ACSM2A: variants seen among roughly 807,000 people sequenced by gnomAD.
The protein encoded by ACSM2A is acyl-coenzyme A synthetase ACSM2A, mitochondrial.
Under a neutral mutation model 76.6 loss-of-function variants are expected in ACSM2A, and 72 were observed. That is an observed-to-expected ratio of 0.94 (90% confidence interval 0.78 to 1.14). The LOEUF (loss-of-function observed/expected upper bound fraction) is 1.14, where lower values mean the gene tolerates loss of function less well. Ranked by LOEUF, ACSM2A falls within the 50% of genes most tolerant of loss-of-function variation. The pLI, the probability that ACSM2A is intolerant of heterozygous loss-of-function variation, is 0.00. For synonymous variants in ACSM2A, 249 were observed against 255.9 expected, an observed-to-expected ratio of 0.97 and a Z score of 0.26; for missense variants, 684 against 708.5, an observed-to-expected ratio of 0.97 and a Z score of 0.39.
chr16:20,470,862 A>G (rs1489087382), intron 4 of ACSM2A: 1 of 754,114 alleles, frequency 1.3e-6, no homozygotes, highest in Non-Finnish European at 2.3e-6. Flanking sequence ...TTAAGGTTGC[A>G]TTGATAACAA....
chr16:20,478,722 G>C (rs773276231), intron 10 of ACSM2A, 45 bp downstream of exon 10: 3 of 1,582,788 alleles, frequency 1.9e-6, no homozygotes, highest in Non-Finnish European at 1.7e-6. Context: ...GTGAGGATGG[G>C]AGCACTAAAC....
At chr16:20,473,441 G>T (rs1483626506) in intron 6 of ACSM2A, among the ~76,000 whole-genome samples, 3 of 152,138 alleles carry the variant, frequency 2.0e-5, no homozygotes, top group African/African-American at 7.2e-5. Flanking sequence ...TATAGCAAAT[G>T]AGTATGTAGT....
At chr16:20,459,309 A>G (rs1339088869) in intron 1 of ACSM2A, among the ~76,000 whole-genome samples, 1 of 152,164 alleles carries the variant, frequency 6.6e-6, no homozygotes, top group Non-Finnish European at 1.5e-5. Flanking sequence ...TGTAATTTCT[A>G]AAGTGATTGT....
intron 3 of ACSM2A, among the ~76,000 whole-genome samples, chr16:20,465,931 A>C (rs1298054001): frequency 6.6e-6 from 1 of 152,182 alleles, no homozygotes; most frequent in Non-Finnish European, 1.5e-5. Flanking sequence ...CAACAATGAC[A>C]TAGTTTACAT....
chr16:20,480,772 G>T lies in ACSM2A; in HGVS notation c.1410-50G>T, dbSNP rs769038075. 6 of 1,613,640 alleles carry T rather than the reference G, an allele frequency of 3.7e-6. No individual in the cohort carries two copies. In the Admixed American group the frequency reaches 8.3e-5, roughly 22 times the overall value. Reference sequence around the variant, plus strand: ...TGGCTGGTTCCAGACTTCTGGAATGGCCTAGAGGTTCGGTGTCCAGTGTTC... The same window carrying T: ...TGGCTGGTTCCAGACTTCTGGAATGTCCTAGAGGTTCGGTGTCCAGTGTTC... On this transcript the variant is annotated intron_variant, in intron 11 of 13. Transcript: ENST00000573854.
chr16:20,469,390 A>G (rs2013226119), intron 3 of ACSM2A, 122 bp from the exon 4 acceptor site: 11 of 1,505,202 alleles, frequency 7.3e-6, no homozygotes, highest in East Asian at 2.4e-5. Flanking sequence ...GACACTCTCT[A>G]TTGGTCATTA....
rs551760809 is a variant in ACSM2A at position 20,457,202 on chromosome 16, T to C, written c.-8-2905T>C. Among the ~76,000 whole-genome samples, 1,006 of 151,766 alleles carry C rather than the reference T, an allele frequency of 6.6e-3. 4 individuals are homozygous for C. Among genetic ancestry groups the C allele is most frequent in the Middle Eastern group, 0.02 (6 of 294 alleles). On this transcript the variant is annotated intron_variant, in intron 1 of 13. Coordinates refer to ENST00000573854, the MANE Select transcript of ACSM2A (RefSeq NM_001308172.2). Reference sequence around the variant, plus strand: ...AACAACAACGACAACAAAAAAGCCATGACCAGATGAATTCACAGCTGAATT... The same window carrying C: ...AACAACAACGACAACAAAAAAGCCACGACCAGATGAATTCACAGCTGAATT...
At chr16:20,483,506 G>A (rs553851351) in intron 13 of ACSM2A, among the ~76,000 whole-genome samples, 1 of 128,260 alleles carries the variant, frequency 7.8e-6, no homozygotes, top group Non-Finnish European at 1.6e-5. Context: ...GGAGGTGGAG[G>A]TTACAGTGAG....
chr16:20,453,412 T>C (rs1329730647), intron 1 of ACSM2A: 1 of 151,592 alleles, frequency 6.6e-6, no homozygotes, highest in Non-Finnish European at 1.5e-5. Context: ...CATGGACATT[T>C]ATCACGTCCC....
intron 12 of ACSM2A, 41 bp downstream of exon 12, chr16:20,480,962 C>T (rs754176219): frequency 1.9e-6 from 3 of 1,611,806 alleles, no homozygotes; most frequent in East Asian, 2.2e-5. Flanking sequence ...CACATATGAA[C>T]ACAAGGGCAG....
rs2014416574 is a variant in ACSM2A at position 20,487,024 on chromosome 16, G to T, written c.*346G>T. The T allele has an allele frequency of 5.4e-6, 1 of 183,502 alleles. No homozygotes were observed. The highest frequency in any genetic ancestry group is 1.1e-5 in the Non-Finnish European group (1 of 89,748). The allele number at this position is 183,502 out of a possible 1,614,324, so 11.4% of individuals were successfully genotyped here. A position where few individuals can be genotyped will look rare whatever the true frequency, so the allele number is the denominator to read the frequency against. On this transcript the variant is annotated 3_prime_UTR_variant, in exon 14 of 14. Coordinates refer to ENST00000573854, the MANE Select transcript of ACSM2A (RefSeq NM_001308172.2). ...GAAGAAAGGAAAGAGGAGATGAAAG[G>T]GGGAGAAAAGATAGAAGAAAAATAA... is the stretch of plus-strand genomic sequence containing the variant.
intron 12 of ACSM2A, 128 bp downstream of exon 12, chr16:20,481,049 G>C (rs2014054719): frequency 6.7e-6 from 8 of 1,194,808 alleles, no homozygotes; most frequent in Admixed American, 2.5e-5. Flanking sequence ...CCACTTACTA[G>C]CTATGTGACC....
At chr16:20,469,458 C>G in intron 3 of ACSM2A, 54 bp from the exon 4 acceptor site, 1 of 1,607,728 alleles carries the variant, frequency 6.2e-7, no homozygotes, top group Middle Eastern at 1.7e-4. Flanking sequence ...TCAGGCTTCT[C>G]TAGGGACAAA....
chr16:20,460,104 C>T lies in ACSM2A; in HGVS notation c.-8-3C>T, dbSNP rs771445382. 2.5e-6 allele frequency: 4 copies of T among 1,601,946 alleles called. No homozygotes were observed. Among genetic ancestry groups the T allele is most frequent in the Non-Finnish European group, 3.4e-6 (4 of 1,172,900 alleles). The stretch of plus-strand genomic sequence containing the variant: ...TCACCTGTGTCTCTTCTTTCTTTTA[C>T]AGGCCTGAATATGCATTGGCTGCGA... On this transcript the variant is annotated splice_region_variant and splice_polypyrimidine_tract_variant and intron_variant, in intron 1 of 13. Transcript: ENST00000573854.
At chr16:20,478,006 G>C (rs1313269162) in intron 9 of ACSM2A, among the ~76,000 whole-genome samples, 1 of 152,132 alleles carries the variant, frequency 6.6e-6, no homozygotes, top group Non-Finnish European at 1.5e-5. Flanking sequence ...GTGTATCTGT[G>C]TTATGTGTAT....
Position 20,477,438 on chromosome 16 carries a change from T to A in ACSM2A, c.1168T>A (p.Tyr390Asn), listed in dbSNP as rs1373338762. ...ATACATGGGAACGGCTGCTTCCTGT[T>A]ATGATGTACAGGTTTGCTCGGGACA... ...PGYMGTAASC[Y>N]DVQIIDDKGN... Residue 390 changes from tyrosine (Y) to asparagine (N), a missense_variant, in exon 9 of 14, where the codon TAT (tyrosine) becomes AAT (asparagine). Physicochemically the swap from Tyr to Asn is moderately radical, Grantham distance 143. This residue lies in a region of ACSM2A where 519 missense variants were observed against 549.5 expected (regional missense o/e 0.94). Coordinates refer to ENST00000573854, the MANE Select transcript of ACSM2A (RefSeq NM_001308172.2). The A allele has an allele frequency of 2.5e-6, 4 of 1,607,700 alleles. No individual in the cohort carries two copies. The highest frequency in any genetic ancestry group is 3.4e-6 in the Non-Finnish European group (4 of 1,176,712).
chr16:20,479,943 G>A (rs1281389902), intron 10 of ACSM2A, among the ~76,000 whole-genome samples: 1 of 152,150 alleles, frequency 6.6e-6, no homozygotes, highest in Non-Finnish European at 1.5e-5. Context: ...ATAGAGTGAG[G>A]CTAAGAATCC....
At chr16:20,472,481 C>A (rs1465728129) in intron 6 of ACSM2A, among the ~76,000 whole-genome samples, 3 of 152,138 alleles carry the variant, frequency 2.0e-5, no homozygotes, top group African/African-American at 7.2e-5. Flanking sequence ...AAAAGCCCTG[C>A]CTCCAAATAC....
Position 20,486,635 on chromosome 16 carries a change from G to A in ACSM2A, c.1691G>A (p.Arg564Gln). The A allele has an allele frequency of 1.9e-6, 3 of 1,614,158 alleles. No homozygotes were observed. Among genetic ancestry groups the A allele is most frequent in the East Asian group, 2.2e-5 (1 of 44,882 alleles). The change falls in exon 14 of 14, where the codon CGA (arginine) becomes CAA (glutamine). Residue 564 changes from arginine (R) to glutamine (Q), a missense_variant. Arg to Gln is a conservative substitution (Grantham distance 43). Coordinates refer to ENST00000573854, the MANE Select transcript of ACSM2A (RefSeq NM_001308172.2). Reference protein sequence around the residue: ...VTGKIQRAKLRDKEWKMSGKA... With the variant: ...VTGKIQRAKLQDKEWKMSGKA... ...GGGAAAATTCAACGAGCCAAGCTTC[G>A]AGACAAGGAGTGGAAGATGTCCGGA...
Sources: allele counts gnomAD v4.1 joint callset (sites outside exome capture counted in the v4.1 genomes callset), GRCh38; gene constraint gnomAD v4.1.1; regional missense constraint gnomAD v4.1.1; transcripts MANE v1.5; gene names NCBI Gene and HGNC (gene_info 2026-07-23, HGNC 2026-07-21).